Variants in TDRD12 observed in about 807,000 individuals in gnomAD.
The protein encoded by TDRD12 is tudor domain containing 12.
A neutral mutation model predicts 133.5 loss-of-function variants in TDRD12; 158 were observed. The ratio of observed to expected loss-of-function variants is 1.18; its 90% CI spans 1.04 to 1.35. The LOEUF (loss-of-function observed/expected upper bound fraction) is 1.35. Among genes scored for constraint, TDRD12 ranks in the 40% most tolerant of loss-of-function variants. The probability of loss-of-function intolerance (pLI) is 0.00; values close to 1 mark genes in which losing one functional copy is unlikely to be tolerated. For missense variants in TDRD12, 1,443 were observed against 1,321.3 expected, an observed-to-expected ratio of 1.09 and a Z score of -1.43; for synonymous variants, 460 against 477.9, an observed-to-expected ratio of 0.96 and a Z score of 0.49.
chr19:32,720,089 T>A (rs756772182), exon 1 of TDRD12: 2 of 1,548,136 alleles, frequency 1.3e-6, no homozygotes. Context: ...CAGCTCCTGG[T>A]GCTGAAGGTG....
At chr19:32,758,078 C>T (rs1296102260) in intron 8 of TDRD12, among the ~76,000 whole-genome samples, 2 of 152,204 alleles carry the variant, frequency 1.3e-5, no homozygotes, top group East Asian at 3.9e-4. Flanking sequence ...CCTACCCACT[C>T]AGCCCATCTG....
At position 32,827,279 on chromosome 19, in the gene TDRD12, G is replaced by A. The variant is rs796708050; in HGVS notation, c.*113G>A. ...GAGAAGGTGAATGACGTCCTCAAGA[G>A]CGGCTGGAAGATGTTGAACAAAAAT... is the stretch of plus-strand genomic sequence containing the variant. On this transcript the variant is annotated 3_prime_UTR_variant, in exon 10 of 10. Transcript: ENST00000637289. The A allele has an allele frequency of 7.3e-6, 9 of 1,230,736 alleles. No individual in the cohort carries two copies. The African/African-American group carries it at 1.4e-4, about 19-fold the overall frequency. The allele number at this position is 1,230,736 out of a possible 1,614,324, so 76.2% of individuals were successfully genotyped here.
chr19:32,796,489 G>T (rs556612479), intron 14 of TDRD12, among the ~76,000 whole-genome samples: 1 of 152,118 alleles, frequency 6.6e-6, no homozygotes, highest in Admixed American at 6.5e-5. Flanking sequence ...AGAGGCTGAG[G>T]CAGGAGAATC....
intron 11 of TDRD12, among the ~76,000 whole-genome samples, chr19:32,777,836 T>C (rs1187975354): frequency 2.8e-4 from 4 of 14,174 alleles, no homozygotes; most frequent in Non-Finnish European, 5.4e-4. Flanking sequence ...TATATATATA[T>C]ATATATATAT....
At chr19:32,796,724 AG>A (rs1163020314) in intron 14 of TDRD12, among the ~76,000 whole-genome samples, 7 of 152,226 alleles carry the variant, frequency 4.6e-5, no homozygotes, top group African/African-American at 1.7e-4. Flanking sequence ...GGCCGAACCC[AG>A]GCTCAGGGCA....
intron 16 of TDRD12, among the ~76,000 whole-genome samples, chr19:32,799,592 G>A (rs1485595954): frequency 6.6e-6 from 1 of 152,042 alleles, no homozygotes; most frequent in Non-Finnish European, 1.5e-5. Context: ...AAGTTTTTAT[G>A]CAAGAACATT....
At chr19:32,788,979 C>G (rs573806764) in intron 11 of TDRD12, among the ~76,000 whole-genome samples, 1 of 152,352 alleles carries the variant, frequency 6.6e-6, no homozygotes, top group African/African-American at 2.4e-5. Flanking sequence ...TTCAGCACCT[C>G]TGTTTGCAGC....
exon 2 of TDRD12, chr19:32,731,762 G>A: frequency 6.5e-7 from 1 of 1,549,674 alleles, no homozygotes; most frequent in Non-Finnish European, 8.7e-7. Flanking sequence ...ATTATAAAAG[G>A]GTGTAGTCCC....
At chr19:32,800,926 G>C (rs1402794528) in intron 18 of TDRD12, among the ~76,000 whole-genome samples, 154 bp downstream of exon 18, 1 of 152,104 alleles carries the variant, frequency 6.6e-6, no homozygotes, top group Admixed American at 6.5e-5. Context: ...TCTTCTCACA[G>C]AGCATGCAGG....
chr19:32,766,459 A>C (rs2145580458), intron 8 of TDRD12, among the ~76,000 whole-genome samples: 1 of 152,258 alleles, frequency 6.6e-6, no homozygotes, highest in South Asian at 2.1e-4. Context: ...TTCTGATATA[A>C]TGTAATGTAT....
chr19:32,795,063 G>A (rs1033951051), intron 14 of TDRD12, among the ~76,000 whole-genome samples: 3 of 152,060 alleles, frequency 2.0e-5, no homozygotes, highest in African/African-American at 4.8e-5. Flanking sequence ...GGCCAGGCAC[G>A]GTGGCTCACG....
downstream of TDRD12, among the ~76,000 whole-genome samples, chr19:32,823,947 TGGGTCCCCCAAACCATAGC>T (rs1316215796): frequency 2.0e-5 from 3 of 152,142 alleles, no homozygotes; most frequent in Admixed American, 1.3e-4. Context: ...GGCAGCCAGG[TGGGTCCCCCAAACCATAGC>T]CCTTGGAGGA....
intron 11 of TDRD12, among the ~76,000 whole-genome samples, chr19:32,784,201 G>T (rs191714726): frequency 1.0e-3 from 154 of 152,286 alleles, no homozygotes; most frequent in Middle Eastern, 3.4e-3. Flanking sequence ...TAGCATGAAA[G>T]GCTGTTGAAT....
rs543166427 is a variant in TDRD12, at chr19:32,807,878, A to AT, written c.2652+239dup. 4.0e-5 allele frequency among the ~76,000 whole-genome samples: 6 copies of AT among 151,438 alleles called. No homozygotes were observed. In the East Asian group the frequency reaches 5.8e-4, roughly 15 times the overall value. On this transcript the variant is annotated intron_variant, in intron 22 of 27. Coordinates refer to ENST00000444215, the Ensembl canonical transcript of TDRD12. ...TTCAGTAATGGATGACAGTTTAAGGATTTTTTTTTCAATTATATTTTCAGA... is the reference window on the plus strand; with the variant it reads ...TTCAGTAATGGATGACAGTTTAAGGATTTTTTTTTTCAATTATATTTTCAGA...
intron 6 of TDRD12, 140 bp downstream of exon 6, chr19:32,750,009 G>A (rs180876634): frequency 1.0e-4 from 55 of 543,560 alleles, no homozygotes; most frequent in African/African-American, 9.0e-4. Context: ...TCTTAGACCC[G>A]AAGTTAGCCA....
exon 12 of TDRD12, chr19:32,790,580 G>C: frequency 6.4e-7 from 1 of 1,551,950 alleles, no homozygotes. Context: ...CGGAATCTCT[G>C]ATCTCCAGCA....
Position 32,797,832 on chromosome 19 carries a change from T to C in TDRD12, c.1571T>C (p.Val524Ala). 4.3e-6 allele frequency: 3 copies of C among 702,572 alleles called. No homozygotes were observed. The South Asian group carries it at 4.4e-5, about 10-fold the overall frequency. 43.5% of individuals were successfully genotyped at this position (702,572 alleles called of 1,614,324 possible). ...ATGTCCTCCAGGCCTCTTCATCCTGTGCTATTAACAATTGGGCTCCATAAA... is the reference window on the plus strand; with the variant it reads ...ATGTCCTCCAGGCCTCTTCATCCTGCGCTATTAACAATTGGGCTCCATAAA... The change falls in exon 15 of 28, where the codon GTG (valine) becomes GCG (alanine). Residue 524 changes from valine to alanine, a missense_variant. By Grantham distance (64) the Val-to-Ala change is moderately conservative. Transcript: ENST00000444215.
At chr19:32,756,631 G>A (rs1055374089) in intron 7 of TDRD12, among the ~76,000 whole-genome samples, 24 of 152,040 alleles carry the variant, frequency 1.6e-4, no homozygotes, top group East Asian at 9.6e-4. Context: ...CTCATGATCC[G>A]CCTGTCTCAG....
chr19:32,813,587 A>G, intron 24 of TDRD12, 97 bp from the exon 25 acceptor site: 5 of 661,174 alleles, frequency 7.6e-6, no homozygotes, highest in Admixed American at 2.6e-5. Flanking sequence ...TGAGGCTCAA[A>G]TGAAATGCAT....
Sources: allele counts gnomAD v4.1 joint callset (sites outside exome capture counted in the v4.1 genomes callset), GRCh38; gene constraint gnomAD v4.1.1; transcripts MANE v1.5; gene names NCBI Gene and HGNC (gene_info 2026-07-23, HGNC 2026-07-21).